Variants in EFNA5 observed in about 807,000 individuals in gnomAD.
EFNA5 encodes the protein ephrin A5, also known as ephrin-A5.
A neutral mutation model predicts 22.9 loss-of-function variants in EFNA5; 5 were observed. The ratio of observed to expected loss-of-function variants is 0.22; its 90% CI spans 0.11 to 0.46. The LOEUF is 0.46. EFNA5 is among the 20% of genes least tolerant of loss of function. The probability of loss-of-function intolerance (pLI) is 0.99; values close to 1 mark genes in which losing one functional copy is unlikely to be tolerated. For missense variants in EFNA5, 237 were observed against 293.3 expected, an observed-to-expected ratio of 0.81 and a Z score of 1.40; for synonymous variants, 113 against 112.2, an observed-to-expected ratio of 1.01 and a Z score of -0.04.
At chr5:107,448,278 T>A (rs1434061544) in intron 1 of EFNA5, among the ~76,000 whole-genome samples, 5 of 152,214 alleles carry the variant, frequency 3.3e-5, no homozygotes, top group Non-Finnish European at 5.9e-5. Context: ...CAGCTTCAGC[T>A]GAGAATTCCT....
Position 107,419,155 on chromosome 5 carries a change from C to T in EFNA5, c.418+8062G>A, listed in dbSNP as rs1047508224. On this transcript the variant is annotated intron_variant, in intron 2 of 4. Coordinates refer to ENST00000333274, the MANE Select transcript of EFNA5 (RefSeq NM_001962.3). ...GCATGCTCAGAAGGTTAAGAGGGCA[C>T]CTGGCAGTAAATAACTGTTTTCATA... Among the ~76,000 whole-genome samples, 3 of 152,130 alleles carry T rather than the reference C, an allele frequency of 2.0e-5. No individual in the cohort carries two copies. In the East Asian group the frequency reaches 5.8e-4, roughly 29 times the overall value.
intron 1 of EFNA5, among the ~76,000 whole-genome samples, chr5:107,620,787 C>T (rs35534): frequency 0.27 from 40,888 of 151,992 alleles, 6,022 homozygotes; most frequent in Non-Finnish European, 0.33. Context: ...AAAATACAGG[C>T]AAATAATTAC....
At chr5:107,662,165 CAG>C (rs1750975987) in intron 1 of EFNA5, among the ~76,000 whole-genome samples, 1 of 152,146 alleles carries the variant, frequency 6.6e-6, no homozygotes, top group African/African-American at 2.4e-5. Context: ...TGCTAGATAT[CAG>C]AGGAAAGTTT....
intron 1 of EFNA5, among the ~76,000 whole-genome samples, chr5:107,442,577 T>C (rs1749284366): frequency 6.6e-6 from 1 of 152,182 alleles, no homozygotes; most frequent in African/African-American, 2.4e-5. Context: ...GTCTATTGCA[T>C]TAGCAATTTC....
At chr5:107,571,472 G>C (rs564431228) in intron 1 of EFNA5, among the ~76,000 whole-genome samples, 1 of 131,172 alleles carries the variant, frequency 7.6e-6, no homozygotes, top group East Asian at 2.2e-4. Flanking sequence ...AAAACAAAAC[G>C]CTTCCTCAAT....
In EFNA5 at chr5:107,429,688, C is replaced by A. The variant is rs252806; in HGVS notation, c.126-2179G>T. On this transcript the variant is annotated intron_variant, in intron 1 of 4. Transcript: ENST00000333274. ...TAATCATGAGAACCTGCCTTGCTGG[C>A]CTCTGGTGGCTGCTTCAAGCCTTAG... is the stretch of plus-strand genomic sequence containing the variant. Among the ~76,000 whole-genome samples, 42 of 152,038 alleles carry A rather than the reference C, an allele frequency of 2.8e-4. No homozygotes were observed. In the East Asian group the frequency reaches 8.1e-3, roughly 29 times the overall value.
intron 1 of EFNA5, among the ~76,000 whole-genome samples, chr5:107,582,659 GTTA>G (rs1478313069): frequency 6.6e-6 from 1 of 151,104 alleles, no homozygotes; most frequent in African/African-American, 2.4e-5. Context: ...ATGTTTAAAT[GTTA>G]TTTTTATTTT....
intron 1 of EFNA5, among the ~76,000 whole-genome samples, chr5:107,609,564 C>A (rs1184546164): frequency 6.6e-6 from 1 of 152,172 alleles, no homozygotes; most frequent in Non-Finnish European, 1.5e-5. Flanking sequence ...CATGCAAAAA[C>A]AGGGAAGAAA....
rs1019395963 is a variant in EFNA5, at chr5:107,574,287, T to A, written c.125+96202A>T. ...AGTGGGAGTACAAGGAAGACTTTTA[T>A]GAATCAAATGGTTGATTTTCGGGAG... On this transcript the variant is annotated intron_variant, in intron 1 of 4. Coordinates refer to ENST00000333274, the MANE Select transcript of EFNA5 (RefSeq NM_001962.3). Among the ~76,000 whole-genome samples, 4 of 152,324 alleles carry A rather than the reference T, an allele frequency of 2.6e-5. No individual in the cohort carries two copies. In the South Asian group the frequency reaches 8.3e-4, roughly 32 times the overall value.
intron 2 of EFNA5, among the ~76,000 whole-genome samples, chr5:107,388,824 G>A (rs1747710444): frequency 6.6e-6 from 1 of 152,152 alleles, no homozygotes; most frequent in Non-Finnish European, 1.5e-5. Flanking sequence ...TACCCAAAGT[G>A]ACAAAGAGGG....
intron 1 of EFNA5, among the ~76,000 whole-genome samples, chr5:107,651,028 T>C (rs1331545563): frequency 6.6e-6 from 1 of 152,184 alleles, no homozygotes; most frequent in East Asian, 1.9e-4. Flanking sequence ...TTTTTAATGC[T>C]CTTTTCATAT....
At chr5:107,655,580 T>G (rs1750803889) in intron 1 of EFNA5, among the ~76,000 whole-genome samples, 2 of 152,112 alleles carry the variant, frequency 1.3e-5, no homozygotes, top group Admixed American at 6.6e-5. Context: ...TAATTTCCCT[T>G]ATGAATTACT....
chr5:107,441,772 G>C (rs186871729), intron 1 of EFNA5, among the ~76,000 whole-genome samples: 151 of 152,220 alleles, frequency 9.9e-4, no homozygotes, highest in African/African-American at 3.5e-3. Context: ...TGTCAGAGAT[G>C]TTTCCAAGTA....
intron 1 of EFNA5, among the ~76,000 whole-genome samples, chr5:107,529,841 C>A (rs905805718): frequency 6.6e-6 from 1 of 152,140 alleles, no homozygotes; most frequent in East Asian, 1.9e-4. Flanking sequence ...TTCTAGGGAG[C>A]CTAGGCTAAG....
intron 1 of EFNA5, among the ~76,000 whole-genome samples, chr5:107,563,603 A>C (rs1233322736): frequency 1.3e-5 from 2 of 151,760 alleles, no homozygotes; most frequent in Non-Finnish European, 2.9e-5. Flanking sequence ...TGTCTGGCTA[A>C]TTTTCATTTT....
chr5:107,521,822 C>CT (rs201400409), intron 1 of EFNA5, among the ~76,000 whole-genome samples: 4,353 of 152,092 alleles, frequency 0.029, 172 homozygotes, highest in African/African-American at 0.095. Context: ...TATTGTATGT[C>CT]TTTTTTTCTT....
intron 1 of EFNA5, among the ~76,000 whole-genome samples, chr5:107,613,263 T>G (rs575576291): frequency 6.6e-6 from 1 of 152,204 alleles, no homozygotes; most frequent in African/African-American, 2.4e-5. Flanking sequence ...ATAAAAGTAA[T>G]GGGCCTAGAA....
chr5:107,411,603 T>C, intron 2 of EFNA5, among the ~76,000 whole-genome samples: 1 of 152,234 alleles, frequency 6.6e-6, no homozygotes, highest in East Asian at 1.9e-4. Flanking sequence ...TCCTGAGGTC[T>C]TCAGTTAAAA....
intron 2 of EFNA5, among the ~76,000 whole-genome samples, chr5:107,402,144 TG>T (rs1477659474): frequency 1.3e-5 from 2 of 152,150 alleles, no homozygotes; most frequent in Non-Finnish European, 2.9e-5. Context: ...TAGGGGTGTA[TG>T]TGTGTGTAGG....
Sources: allele counts gnomAD v4.1 joint callset (sites outside exome capture counted in the v4.1 genomes callset), GRCh38; gene constraint gnomAD v4.1.1; transcripts MANE v1.5; gene names NCBI Gene and HGNC (gene_info 2026-07-23, HGNC 2026-07-21).